RCC2: variants seen among roughly 807,000 people sequenced by gnomAD.
RCC2 encodes protein RCC2.
In RCC2, 19 loss-of-function variants were observed where a neutral mutation model predicts 64.1. The observed-to-expected ratio is 0.30, with a 90% confidence interval of 0.21 to 0.44. The LOEUF (loss-of-function observed/expected upper bound fraction) is 0.44. Among genes scored for constraint, RCC2 ranks in the 20% least tolerant of loss-of-function variants. The pLI is 1.00. For missense variants in RCC2, 508 were observed against 710.4 expected (o/e 0.72, Z 3.24); for synonymous variants, 325 against 279.6 (o/e 1.16, Z -1.62).
intron 2 of RCC2, among the ~76,000 whole-genome samples, chr1:17,436,037 G>A (rs117339473): frequency 1.2e-4 from 19 of 152,150 alleles, no homozygotes; most frequent in East Asian, 1.2e-3. Flanking sequence ...GAACAGCACC[G>A]ACAGCCCAAA....
Position 17,422,284 on chromosome 1 carries a change from G to A in RCC2, c.663C>T (p.Gly221=). Reference sequence around the variant, plus strand: ...TGTTTTCCCCAAACGCAAACACGGAGCCCGTTTCTGGAAGAAAGGAAAAAT... The same window carrying A: ...TGTTTTCCCCAAACGCAAACACGGAACCCGTTTCTGGAAGAAAGGAAAAAT... ...RNHTLALTET[G]SVFAFGENKM... is the part of the protein sequence containing the mutation. Residue 221 remains glycine, a synonymous_variant, in exon 6 of 13, where the codon GGC becomes GGT. Transcript: ENST00000375436. 1.2e-6 allele frequency: 2 copies of A among 1,611,180 alleles called. No homozygotes were observed. The highest frequency in any genetic ancestry group is 2.2e-5 in the South Asian group (2 of 90,860).
At chr1:17,430,348 G>A (rs2100387394) in intron 2 of RCC2, among the ~76,000 whole-genome samples, 1 of 152,034 alleles carries the variant, frequency 6.6e-6, no homozygotes, top group African/African-American at 2.4e-5. Flanking sequence ...TGTCTCTACA[G>A]AAAATAGAAA....
intron 3 of RCC2, 112 bp downstream of exon 3, chr1:17,428,994 G>C (rs2075646911): frequency 1.2e-6 from 1 of 825,864 alleles, no homozygotes; most frequent in African/African-American, 1.7e-5. Context: ...CAAGTCACTT[G>C]GCCTCTGTGA....
intron 10 of RCC2, among the ~76,000 whole-genome samples, chr1:17,412,790 C>T (rs1240210729): frequency 1.3e-5 from 2 of 152,242 alleles, no homozygotes; most frequent in East Asian, 1.9e-4. Flanking sequence ...CAACCTGCAG[C>T]GTAGGAATAC....
chr1:17,439,016 A>C (rs2075776535), intron 1 of RCC2, among the ~76,000 whole-genome samples: 1 of 145,998 alleles, frequency 6.8e-6, no homozygotes, highest in Admixed American at 6.8e-5. Context: ...CATGGCATTT[A>C]ATGCAACGCT....
intron 2 of RCC2, among the ~76,000 whole-genome samples, chr1:17,430,863 G>C (rs1161635722): frequency 6.6e-6 from 1 of 151,860 alleles, no homozygotes; most frequent in Non-Finnish European, 1.5e-5. Flanking sequence ...CAAGTAGCTG[G>C]GATTACAGAC....
At chr1:17,438,119 G>T in intron 2 of RCC2, 111 bp downstream of exon 2, 2 of 824,854 alleles carry the variant, frequency 2.4e-6, no homozygotes, top group South Asian at 5.6e-5. Context: ...CCCGGCCGCC[G>T]GGAGGGAGCG....
intron 4 of RCC2, among the ~76,000 whole-genome samples, chr1:17,424,166 G>A (rs887322610): frequency 2.0e-5 from 3 of 152,192 alleles, no homozygotes; most frequent in South Asian, 2.1e-4. Flanking sequence ...CCACCCTCCC[G>A]TGGTACTCTA....
chr1:17,407,926 C>G lies in RCC2; in HGVS notation c.*1164G>C, dbSNP rs2075379914. The G allele has an allele frequency of 6.6e-6, 1 of 152,646 alleles. No homozygotes were observed. Among genetic ancestry groups the G allele is most frequent in the South Asian group, 2.1e-4 (1 of 4,830 alleles). 9.5% of individuals were successfully genotyped at this position (152,646 alleles called of 1,614,324 possible). A position where few individuals can be genotyped will look rare whatever the true frequency, so the allele number is the denominator to read the frequency against. On this transcript the variant is annotated 3_prime_UTR_variant, in exon 13 of 13. Coordinates refer to ENST00000375436, the MANE Select transcript of RCC2 (RefSeq NM_018715.4). ...GAGGAGGGTTCCGGGAAAGGCACCT[C>G]ATAACTCACTCAGCGCAGCACACAC...
intron 7 of RCC2, among the ~76,000 whole-genome samples, chr1:17,418,050 C>T (rs1430080565): frequency 6.6e-6 from 1 of 151,884 alleles, no homozygotes; most frequent in Non-Finnish European, 1.5e-5. Flanking sequence ...ATATAAGGTA[C>T]TTGAGCATCT....
intron 2 of RCC2, among the ~76,000 whole-genome samples, chr1:17,437,883 C>G (rs1290626914): frequency 6.9e-6 from 1 of 145,618 alleles, no homozygotes; most frequent in Non-Finnish European, 1.5e-5. Context: ...GTCCCCTTTC[C>G]CGGGGCGGGG....
chr1:17,409,094 A>G lies in RCC2; in HGVS notation c.1565T>C (p.Leu522Pro). The G allele has an allele frequency of 6.2e-7, 1 of 1,609,790 alleles. No individual in the cohort carries two copies. The highest frequency in any genetic ancestry group is 8.5e-7 in the Non-Finnish European group (1 of 1,176,116). Residue 522 changes from leucine to proline, a missense_variant, in exon 13 of 13, where the codon CTC (leucine) becomes CCC (proline). By Grantham distance (98) the Leu-to-Pro change is moderately conservative (BLOSUM62 -3). Around this residue, in one of 4 missense-constraint regions of RCC2, gnomAD observed 179 missense variants for 322.0 expected, o/e 0.56. Coordinates refer to ENST00000375436, the MANE Select transcript of RCC2 (RefSeq NM_018715.4). ...TCGGAGGAGTCTCCGGGAGCATCAG[A>G]GGGTTCGGGGGTTGTATTCTGGCAG... is the stretch of plus-strand genomic sequence containing the variant. ...KKLPEYNPRT[L>P] is the part of the protein sequence containing the mutation.
At chr1:17,419,956 G>C (rs550629056) in intron 7 of RCC2, among the ~76,000 whole-genome samples, 2 of 152,224 alleles carry the variant, frequency 1.3e-5, no homozygotes, top group Non-Finnish European at 2.9e-5. Flanking sequence ...GCTAAGGCCA[G>C]CGGGCTCGGC....
chr1:17,433,074 G>T (rs79179762), intron 2 of RCC2, among the ~76,000 whole-genome samples: 190 of 152,262 alleles, frequency 1.2e-3, no homozygotes, highest in Non-Finnish European at 9.7e-4. Flanking sequence ...ATATACGTGT[G>T]TATGTGTGAA....
chr1:17,433,426 G>A (rs1226538102), intron 2 of RCC2, among the ~76,000 whole-genome samples: 2 of 152,202 alleles, frequency 1.3e-5, no homozygotes, highest in African/African-American at 4.8e-5. Flanking sequence ...GGGGCGGCGG[G>A]GCAGGGCGGG....
At chr1:17,416,937 T>G (rs571855019) in intron 7 of RCC2, among the ~76,000 whole-genome samples, 57 of 152,318 alleles carry the variant, frequency 3.7e-4, no homozygotes, top group African/African-American at 1.2e-3. Context: ...TTACAACAAT[T>G]CCAGGTAAGG....
intron 1 of RCC2, among the ~76,000 whole-genome samples, chr1:17,439,167 C>T (rs1289046878): frequency 6.6e-6 from 1 of 152,128 alleles, no homozygotes; most frequent in African/African-American, 2.4e-5. Context: ...GACCCCAGCC[C>T]CAAACACCTG....
intron 7 of RCC2, among the ~76,000 whole-genome samples, chr1:17,418,516 G>A (rs775955059): frequency 4.6e-5 from 7 of 152,134 alleles, no homozygotes; most frequent in Non-Finnish European, 1.0e-4. Flanking sequence ...AATTAGCCAG[G>A]TGTGGTGGCG....
At chr1:17,439,282 C>G (rs540968459) in intron 1 of RCC2, among the ~76,000 whole-genome samples, 1 of 150,718 alleles carries the variant, frequency 6.6e-6, no homozygotes, top group South Asian at 2.1e-4. Context: ...TGCAAAGTGT[C>G]CAGGGCCGCC....
Sources: gnomAD v4.1 joint callset for allele counts (sites outside exome capture counted in the v4.1 genomes callset) on GRCh38, gnomAD v4.1.1 for gene constraint, gnomAD v4.1.1 regional missense constraint, MANE v1.5 for transcripts, NCBI Gene and HGNC (gene_info 2026-07-23, HGNC 2026-07-21) for gene names.